The following PDE10A variants were observed in gnomAD, a reference collection of about 807,000 sequenced individuals.
The protein encoded by PDE10A is phosphodiesterase 10A.
In PDE10A, 39 loss-of-function variants were observed where a neutral mutation model predicts 97.7. That is an observed-to-expected ratio of 0.40 (90% confidence interval 0.31 to 0.52). The LOEUF (loss-of-function observed/expected upper bound fraction) is 0.52, where lower values mean the gene tolerates loss of function less well. PDE10A is among the 20% of genes least tolerant of loss of function. The pLI is 0.56. For synonymous variants in PDE10A, 371 were observed against 376.8 expected (o/e 0.98, Z 0.18); for missense variants, 731 against 1,047.8 (o/e 0.70, Z 4.17).
At chr6:165,464,667 C>T (rs894594668) in intron 3 of PDE10A, among the ~76,000 whole-genome samples, 4 of 152,156 alleles carry the variant, frequency 2.6e-5, no homozygotes, top group African/African-American at 9.7e-5. Context: ...TAATCAATCC[C>T]TGTCCTCAAA....
intron 1 of PDE10A, among the ~76,000 whole-genome samples, chr6:165,873,049 C>A (rs1386586017): frequency 1.3e-5 from 2 of 152,142 alleles, no homozygotes; most frequent in Non-Finnish European, 2.9e-5. Context: ...AAAATGGAGA[C>A]TTCCAACCCC....
chr6:165,380,009 T>C (rs1231063593), intron 17 of PDE10A, among the ~76,000 whole-genome samples: 1 of 152,194 alleles, frequency 6.6e-6, no homozygotes, highest in Non-Finnish European at 1.5e-5. Flanking sequence ...GAGGTGGGAA[T>C]GGCAGATCAT....
At chr6:165,514,454 T>C (rs1037863963) in intron 2 of PDE10A, among the ~76,000 whole-genome samples, 13 of 152,324 alleles carry the variant, frequency 8.5e-5, no homozygotes, top group African/African-American at 3.1e-4. Flanking sequence ...CCTGTATCAG[T>C]GTGTAAACCT....
At chr6:165,829,042 T>C (rs1187114154) in intron 1 of PDE10A, among the ~76,000 whole-genome samples, 1 of 152,158 alleles carries the variant, frequency 6.6e-6, no homozygotes, top group African/African-American at 2.4e-5. Context: ...ACCCTGCAGA[T>C]GAAGTGTTGG....
chr6:165,494,746 G>T (rs1780440996), intron 2 of PDE10A, among the ~76,000 whole-genome samples: 1 of 151,930 alleles, frequency 6.6e-6, no homozygotes, highest in African/African-American at 2.4e-5. Flanking sequence ...TTAACATAGG[G>T]TCATTTTTAC....
chr6:165,434,036 A>AAG (rs1554261830), intron 6 of PDE10A, among the ~76,000 whole-genome samples: 16 of 144,460 alleles, frequency 1.1e-4, no homozygotes, highest in Non-Finnish European at 1.8e-4. Flanking sequence ...AAAAAAAAAA[A>AAG]AAGAAGTAGT....
At chr6:165,931,784 C>T (rs575417244) in intron 1 of PDE10A, among the ~76,000 whole-genome samples, 2 of 152,146 alleles carry the variant, frequency 1.3e-5, no homozygotes, top group South Asian at 4.2e-4. Flanking sequence ...GGCTGTCTCC[C>T]GACAGTCACT....
chr6:165,594,847 G>A (rs982975062), intron 1 of PDE10A, among the ~76,000 whole-genome samples: 7 of 152,184 alleles, frequency 4.6e-5, no homozygotes, highest in South Asian at 2.1e-4. Context: ...GGTAATTTGT[G>A]CCAAGCCAAA....
At chr6:165,805,654 G>A (rs947632949) in intron 1 of PDE10A, among the ~76,000 whole-genome samples, 3 of 152,204 alleles carry the variant, frequency 2.0e-5, no homozygotes, top group African/African-American at 7.2e-5. Flanking sequence ...CGGGCCCTCA[G>A]TGGCCTGAGA....
intron 1 of PDE10A, among the ~76,000 whole-genome samples, chr6:165,693,678 T>C (rs1284372550): frequency 6.6e-6 from 1 of 152,192 alleles, no homozygotes; most frequent in Non-Finnish European, 1.5e-5. Flanking sequence ...GTTTAGTAAT[T>C]GGTGTTGAGA....
intron 1 of PDE10A, among the ~76,000 whole-genome samples, chr6:165,583,222 C>CA (rs1280764189): frequency 6.6e-6 from 1 of 152,132 alleles, no homozygotes; most frequent in African/African-American, 2.4e-5. Flanking sequence ...GGTCACTTGC[C>CA]AAAGTTTACA....
intron 5 of PDE10A, among the ~76,000 whole-genome samples, chr6:165,440,803 C>CTATA (rs141047307): frequency 2.9e-4 from 43 of 150,124 alleles, no homozygotes; most frequent in African/African-American, 7.6e-4. Context: ...TTAAAATAAC[C>CTATA]TATATATATA....
Position 165,450,231 on chromosome 6 carries a change from ATGCT to A in PDE10A, c.1144+7_1144+10del. 1.3e-6 allele frequency: 2 copies of A among 1,524,924 alleles called. No individual in the cohort carries two copies. The highest frequency in any genetic ancestry group is 1.8e-6 in the Non-Finnish European group (2 of 1,134,250). The allele number at this position is 1,524,924 out of a possible 1,614,324, so 94.5% of individuals were successfully genotyped here. On this transcript the variant is annotated splice_region_variant and intron_variant, in intron 4 of 21. Transcript: ENST00000539869. ...CCATTTTTTCTAACAGGAACACAAA[ATGCT>A]TCTTACCTATTTTAATGATGCTGCT...
At chr6:165,337,159 A>T (rs1211736899) in intron 20 of PDE10A, among the ~76,000 whole-genome samples, 1 of 152,170 alleles carries the variant, frequency 6.6e-6, no homozygotes, top group Non-Finnish European at 1.5e-5. Context: ...TAATACATAA[A>T]TAATATTTTA....
intron 1 of PDE10A, among the ~76,000 whole-genome samples, chr6:165,596,412 G>C (rs1015923192): frequency 2.0e-5 from 3 of 152,174 alleles, no homozygotes; most frequent in African/African-American, 7.2e-5. Context: ...TAGGAAGTCA[G>C]ATCAGGTCAC....
rs372828619 is a variant in PDE10A, at chr6:165,684,583, C to T, written c.-614-141015G>A. Among the ~76,000 whole-genome samples, 9 of 152,314 alleles carry T rather than the reference C, an allele frequency of 5.9e-5. 1 individual carries two copies. Among genetic ancestry groups the T allele is most frequent in the African/African-American group, 2.2e-4 (9 of 41,558 alleles). ...GACCCATTATTTATGAGTCACCACA[C>T]GGTGGCCGAGGCGCTGAGCTGCCTC... On this transcript the variant is annotated intron_variant, in intron 1 of 19. Coordinates refer to the PDE10A transcript ENST00000366882.
intron 1 of PDE10A, among the ~76,000 whole-genome samples, chr6:165,921,802 T>C (rs1380023147): frequency 6.6e-6 from 1 of 152,188 alleles, no homozygotes; most frequent in Non-Finnish European, 1.5e-5. Context: ...CTACACCACG[T>C]AGGGTCTTGT....
intron 18 of PDE10A, among the ~76,000 whole-genome samples, chr6:165,374,760 T>TG (rs1373328832): frequency 7.2e-5 from 11 of 151,950 alleles, no homozygotes; most frequent in African/African-American, 2.7e-4. Flanking sequence ...TTTTGGTTTT[T>TG]TTTTTTTTTT....
At chr6:165,745,046 T>C (rs1466348080) in intron 1 of PDE10A, among the ~76,000 whole-genome samples, 1 of 152,232 alleles carries the variant, frequency 6.6e-6, no homozygotes, top group Non-Finnish European at 1.5e-5. Context: ...TGTCTGTTAG[T>C]TTTAACAGGA....
Sources: allele counts gnomAD v4.1 joint callset (sites outside exome capture counted in the v4.1 genomes callset), GRCh38; gene constraint gnomAD v4.1.1; transcripts MANE v1.5; gene names NCBI Gene and HGNC (gene_info 2026-07-23, HGNC 2026-07-21).